MDGA2: variants seen among roughly 807,000 people sequenced by gnomAD.
The protein encoded by MDGA2 is MAM domain-containing glycosylphosphatidylinositol anchor protein 2.
In MDGA2, 40 loss-of-function variants were observed where a neutral mutation model predicts 117.8. That is an observed-to-expected ratio of 0.34 (90% CI 0.26 to 0.44). The LOEUF (loss-of-function observed/expected upper bound fraction) is 0.44. Among genes scored for constraint, MDGA2 ranks in the 20% least tolerant of loss-of-function variants. The pLI is 1.00. For missense variants in MDGA2, 1,123 were observed against 1,250.6 expected (o/e 0.90, Z 1.54); for synonymous variants, 452 against 439.0 (o/e 1.03, Z -0.37).
At chr14:47,200,946 CT>C in intron 3 of MDGA2, 1 of 830,412 alleles carries the variant, frequency 1.2e-6, no homozygotes, top group South Asian at 1.3e-5. Context: ...TCGGTCCGAA[CT>C]TCAACTTGTT....
chr14:47,450,518 T>A (rs543216924), intron 1 of MDGA2, among the ~76,000 whole-genome samples: 1 of 152,184 alleles, frequency 6.6e-6, no homozygotes, highest in African/African-American at 2.4e-5. Context: ...ATTCTCCAAA[T>A]GAAATGTAAG....
chr14:47,494,086 T>A (rs193292562), intron 1 of MDGA2, among the ~76,000 whole-genome samples: 1 of 152,300 alleles, frequency 6.6e-6, no homozygotes, highest in East Asian at 1.9e-4. Flanking sequence ...GCACTTCTCC[T>A]TCCTGCTGCC....
rs1334068735 is a variant in MDGA2 at position 47,619,146 on chromosome 14, CACACAGAT to C, written c.280+55363_280+55370del. On this transcript the variant is annotated intron_variant, in intron 1 of 16. Coordinates refer to ENST00000399232, the MANE Select transcript of MDGA2 (RefSeq NM_001113498.3). The stretch of plus-strand genomic sequence containing the variant: ...ACACACACACACACACACACACACA[CACACAGAT>C]ACATTATCTACAAAACTGCTAATAT... 2.5e-3 allele frequency among the ~76,000 whole-genome samples: 329 copies of C among 133,166 alleles called. 4 individuals are homozygous for C. Among genetic ancestry groups the C allele is most frequent in the African/African-American group, 5.7e-3 (229 of 39,838 alleles). 87.4% of individuals were successfully genotyped at this position (133,166 alleles called of 152,430 possible).
intron 8 of MDGA2, among the ~76,000 whole-genome samples, chr14:47,013,713 G>A (rs1444689330): frequency 6.9e-6 from 1 of 144,398 alleles, no homozygotes; most frequent in Non-Finnish European, 1.5e-5. Context: ...AATCACTCCT[G>A]GATTCATGGG....
chr14:47,569,152 GA>G (rs932054207), intron 1 of MDGA2, among the ~76,000 whole-genome samples: 1 of 151,452 alleles, frequency 6.6e-6, no homozygotes, highest in Non-Finnish European at 1.5e-5. Flanking sequence ...GACAGGGTGA[GA>G]AAAAAACAAA....
At chr14:47,217,021 A>C (rs1221345764) in intron 3 of MDGA2, among the ~76,000 whole-genome samples, 1 of 152,112 alleles carries the variant, frequency 6.6e-6, no homozygotes, top group African/African-American at 2.4e-5. Context: ...GTGGAAAGCA[A>C]ATTACAAGTG....
At chr14:47,607,334 T>C (rs1005345862) in intron 1 of MDGA2, among the ~76,000 whole-genome samples, 4 of 152,152 alleles carry the variant, frequency 2.6e-5, no homozygotes, top group Non-Finnish European at 4.4e-5. Flanking sequence ...TAAGAAAACA[T>C]TACAACTAGT....
chr14:46,977,911 A>G (rs959716383), intron 8 of MDGA2, among the ~76,000 whole-genome samples: 1 of 151,896 alleles, frequency 6.6e-6, no homozygotes, highest in African/African-American at 2.4e-5. Context: ...GTGTTGCTTT[A>G]GTCTCAGTAG....
chr14:47,017,417 T>C (rs1256881365), intron 8 of MDGA2, among the ~76,000 whole-genome samples: 1 of 151,704 alleles, frequency 6.6e-6, no homozygotes, highest in East Asian at 1.9e-4. Flanking sequence ...ATACATACAA[T>C]AAGAAATAAA....
chr14:47,609,961 A>T (rs886827506), intron 1 of MDGA2, among the ~76,000 whole-genome samples: 2 of 152,020 alleles, frequency 1.3e-5, no homozygotes, highest in Non-Finnish European at 2.9e-5. Context: ...AGATGCTAAA[A>T]TCCTTAACAC....
At chr14:47,131,017 TA>T (rs1441856241) in intron 5 of MDGA2, among the ~76,000 whole-genome samples, 1 of 151,944 alleles carries the variant, frequency 6.6e-6, no homozygotes, top group East Asian at 1.9e-4. Context: ...TAAAGTATAA[TA>T]ATATATATAT....
intron 1 of MDGA2, among the ~76,000 whole-genome samples, chr14:47,552,802 C>T (rs1001217146): frequency 7.3e-6 from 1 of 136,754 alleles, no homozygotes; most frequent in South Asian, 3.0e-4. Context: ...CTCTTACTAC[C>T]CCTAATCTTG....
In MDGA2 at chr14:47,053,968, C is replaced by T. The variant is rs191075344; in HGVS notation, c.1525+7281G>A. On this transcript the variant is annotated intron_variant, in intron 7 of 16. Coordinates refer to ENST00000399232, the MANE Select transcript of MDGA2 (RefSeq NM_001113498.3). The stretch of plus-strand genomic sequence containing the variant: ...CAGTCAGACCAAGGTCATAAAGCTA[C>T]TAGGAGGTAAATTTGGGCCTGGACT... 2.4e-4 allele frequency among the ~76,000 whole-genome samples: 37 copies of T among 151,960 alleles called. No individual in the cohort carries two copies. The East Asian group carries it at 4.1e-3, about 17-fold the overall frequency.
At chr14:46,910,281 C>A (rs1321589240) in intron 10 of MDGA2, among the ~76,000 whole-genome samples, 1 of 152,040 alleles carries the variant, frequency 6.6e-6, no homozygotes, top group African/African-American at 2.4e-5. Flanking sequence ...ATATTTCTCT[C>A]AAATTTCCAA....
At chr14:47,360,455 T>C (rs1056376370) in intron 1 of MDGA2, among the ~76,000 whole-genome samples, 1 of 151,722 alleles carries the variant, frequency 6.6e-6, no homozygotes, top group African/African-American at 2.4e-5. Flanking sequence ...AAGGAAGACA[T>C]AAAAATGGGC....
chr14:47,562,522 T>G (rs1895836120), intron 1 of MDGA2, among the ~76,000 whole-genome samples: 1 of 152,228 alleles, frequency 6.6e-6, no homozygotes, highest in Non-Finnish European at 1.5e-5. Flanking sequence ...CTAGCTTGTG[T>G]GCACTGAGGT....
chr14:47,081,121 C>T (rs1281881156), intron 6 of MDGA2, among the ~76,000 whole-genome samples: 1 of 151,956 alleles, frequency 6.6e-6, no homozygotes, highest in African/African-American at 2.4e-5. Flanking sequence ...GTTGACAACA[C>T]CTTCATTTTT....
intron 8 of MDGA2, among the ~76,000 whole-genome samples, chr14:46,966,527 T>C (rs924199771): frequency 1.3e-5 from 2 of 152,186 alleles, no homozygotes; most frequent in East Asian, 1.9e-4. Context: ...ACAACAAAAC[T>C]ACTAATTTAA....
intron 1 of MDGA2, among the ~76,000 whole-genome samples, chr14:47,323,085 C>T (rs1890028314): frequency 6.7e-6 from 1 of 148,322 alleles, no homozygotes; most frequent in Non-Finnish European, 1.5e-5. Context: ...AAAGACTAAC[C>T]ACCCATTTTC....
Sources: allele counts gnomAD v4.1 joint callset (sites outside exome capture counted in the v4.1 genomes callset), GRCh38; gene constraint gnomAD v4.1.1; transcripts MANE v1.5; gene names NCBI Gene and HGNC (gene_info 2026-07-23, HGNC 2026-07-21).